EYS: variants seen among roughly 807,000 people sequenced by gnomAD.
EYS encodes the protein EGF-like photoreceptor maintenance factor.
In EYS, 250 loss-of-function variants were observed where a neutral mutation model predicts 282.1. The observed-to-expected ratio is 0.89, with a 90% confidence interval of 0.80 to 0.98. EYS has a LOEUF of 0.98. EYS is among the 50% of genes least tolerant of loss of function. The pLI is 0.00. For missense variants in EYS, 4,016 were observed against 3,709.0 expected (o/e 1.08, Z -2.15); for synonymous variants, 1,355 against 1,282.9 (o/e 1.06, Z -1.20).
chr6:65,216,343 ATATAT>A (rs1426922471), intron 12 of EYS, among the ~76,000 whole-genome samples: 1 of 152,074 alleles, frequency 6.6e-6, no homozygotes, highest in Non-Finnish European at 1.5e-5. Context: ...ATACCCATAC[ATATAT>A]AAGTTATTTA....
chr6:65,281,837 C>T (rs746525762), intron 12 of EYS, among the ~76,000 whole-genome samples: 8 of 152,042 alleles, frequency 5.3e-5, no homozygotes, highest in Non-Finnish European at 1.2e-4. Flanking sequence ...ATAAATATGT[C>T]TCCTAGTTTT....
chr6:64,774,749 C>T (rs1170615934), intron 22 of EYS, among the ~76,000 whole-genome samples: 1 of 151,862 alleles, frequency 6.6e-6, no homozygotes, highest in Non-Finnish European at 1.5e-5. Flanking sequence ...TTTGAAACTT[C>T]CCACTGTAAA....
chr6:64,944,508 T>G (rs1769206292), intron 15 of EYS, among the ~76,000 whole-genome samples: 1 of 152,022 alleles, frequency 6.6e-6, no homozygotes, highest in African/African-American at 2.4e-5. Flanking sequence ...AGGGGCACAA[T>G]GCACTGTGGA....
chr6:64,174,875 A>T (rs568837533), intron 31 of EYS, among the ~76,000 whole-genome samples: 51 of 152,226 alleles, frequency 3.4e-4, no homozygotes, highest in Admixed American at 3.3e-3. Flanking sequence ...GTGGATATAC[A>T]AATCACATAA....
chr6:65,251,917 C>T (rs636434), intron 12 of EYS, among the ~76,000 whole-genome samples: 58,642 of 151,640 alleles, frequency 0.39, 12,517 homozygotes, highest in African/African-American at 0.57. Flanking sequence ...TTCTTTGTAC[C>T]AGCCTTAAGC....
At chr6:65,403,435 T>A (rs897264645) in intron 6 of EYS, among the ~76,000 whole-genome samples, 16 of 152,150 alleles carry the variant, frequency 1.1e-4, no homozygotes, top group African/African-American at 3.9e-4. Flanking sequence ...TCATTTTCAT[T>A]ATCATATTTA....
chr6:64,843,396 C>A (rs532308283), intron 19 of EYS, among the ~76,000 whole-genome samples: 1 of 152,108 alleles, frequency 6.6e-6, no homozygotes, highest in Non-Finnish European at 1.5e-5. Context: ...GAAAGCAGCC[C>A]GGAGGTGGGC....
rs531640725 is a variant in EYS, at chr6:64,997,682, A to T, written c.2159T>A (p.Leu720Ter). 6.4e-7 allele frequency: 1 copy of T among 1,551,020 alleles called. No homozygotes were observed. The highest frequency in any genetic ancestry group is 2.0e-5 in the Admixed American group (1 of 50,990). The change falls in exon 14 of 43, where the codon TTA becomes TAA. Residue 720 changes from leucine to a stop codon, truncating the protein, a stop_gained. Coordinates refer to ENST00000503581, the MANE Select transcript of EYS (RefSeq NM_001142800.2). LOFTEE classifies it high-confidence loss of function. ...PFKVVDGFSC[L>*]CNPGYVGIRC... ...TATCCCAACATAGCCTGGATTGCAT[A>T]AGCAGGAAAAGCCATCAACCACTGG...
chr6:64,274,503 T>TTTTC (rs55928528), intron 30 of EYS, among the ~76,000 whole-genome samples: 1 of 148,036 alleles, frequency 6.8e-6, no homozygotes, highest in African/African-American at 2.5e-5. Context: ...TTTTTTTTTT[T>TTTTC]ACAAATCAGC....
chr6:64,522,164 G>A (rs543225879), intron 26 of EYS, among the ~76,000 whole-genome samples: 36 of 151,726 alleles, frequency 2.4e-4, no homozygotes, highest in African/African-American at 7.2e-4. Context: ...TGAAGTATGC[G>A]GTGCTTTTCT....
chr6:64,904,992 T>A (rs1436454258), intron 16 of EYS, among the ~76,000 whole-genome samples: 1 of 152,182 alleles, frequency 6.6e-6, no homozygotes, highest in Non-Finnish European at 1.5e-5. Flanking sequence ...AGATAGCCTA[T>A]GTTTTGGGAA....
At chr6:65,706,456 T>C (rs979972674) in intron 1 of EYS, among the ~76,000 whole-genome samples, 1 of 152,046 alleles carries the variant, frequency 6.6e-6, no homozygotes, top group Non-Finnish European at 1.5e-5. Flanking sequence ...AGACTGGTAG[T>C]GTATTAATAA....
chr6:65,443,698 ACATATGTG>A (rs1468103141), intron 5 of EYS, among the ~76,000 whole-genome samples: 1 of 115,422 alleles, frequency 8.7e-6, no homozygotes, highest in Non-Finnish European at 1.9e-5. Context: ...ACATATATAC[ACATATGTG>A]CATATACACA....
chr6:65,611,393 C>T (rs1323840475), intron 2 of EYS, among the ~76,000 whole-genome samples: 1 of 151,796 alleles, frequency 6.6e-6, no homozygotes, highest in East Asian at 1.9e-4. Flanking sequence ...TAAAGTATAC[C>T]TTCAGTATGA....
chr6:65,702,162 CTACTTTGTTTCT>C (rs1769701387), intron 1 of EYS, among the ~76,000 whole-genome samples: 1 of 152,120 alleles, frequency 6.6e-6, no homozygotes, highest in Non-Finnish European at 1.5e-5. Context: ...GAATATTTCT[CTACTTTGTTTCT>C]TTGACTATTT....
chr6:65,517,394 T>A (rs1383947325), intron 2 of EYS, among the ~76,000 whole-genome samples: 1 of 151,386 alleles, frequency 6.6e-6, no homozygotes, highest in South Asian at 2.1e-4. Context: ...ATAACTAAAA[T>A]CAATCTTCTT....
intron 29 of EYS, among the ~76,000 whole-genome samples, chr6:64,316,877 T>G (rs1043519779): frequency 6.6e-6 from 1 of 152,004 alleles, no homozygotes; most frequent in Non-Finnish European, 1.5e-5. Flanking sequence ...TATAGACCAA[T>G]GGAACAGAAC....
At chr6:65,465,841 T>C (rs1023332796) in intron 5 of EYS, among the ~76,000 whole-genome samples, 3 of 151,848 alleles carry the variant, frequency 2.0e-5, no homozygotes, top group Admixed American at 6.6e-5. Flanking sequence ...ATCAGCTGAA[T>C]GTGTTGGCTG....
chr6:64,006,359 G>A (rs1325082806), intron 33 of EYS, among the ~76,000 whole-genome samples: 4 of 152,044 alleles, frequency 2.6e-5, no homozygotes, highest in African/African-American at 9.7e-5. Context: ...AGTTCTAGAA[G>A]CAGAGACTCC....
Sources: allele counts gnomAD v4.1 joint callset (sites outside exome capture counted in the v4.1 genomes callset), GRCh38; gene constraint gnomAD v4.1.1; transcripts MANE v1.5; gene names NCBI Gene and HGNC (gene_info 2026-07-23, HGNC 2026-07-21).